ANKRD30A: variants seen among roughly 807,000 people sequenced by gnomAD.
The protein encoded by ANKRD30A is ankyrin repeat domain 30A.
A neutral mutation model predicts 166.3 loss-of-function variants in ANKRD30A; 170 were observed. That is an observed-to-expected ratio of 1.02 (90% confidence interval 0.90 to 1.16). The LOEUF (loss-of-function observed/expected upper bound fraction) is 1.16, where lower values mean the gene tolerates loss of function less well. Ranked by LOEUF, ANKRD30A falls within the 50% of genes most tolerant of loss-of-function variation. The pLI is 0.00. For synonymous variants in ANKRD30A, 564 were observed against 508.9 expected (o/e 1.11, Z -1.46); for missense variants, 1,630 against 1,518.0 (o/e 1.07, Z -1.23).
At chr10:37,149,542 C>T (rs530188143) in intron 9 of ANKRD30A, 109 bp from the exon 10 acceptor site, 652 of 1,330,434 alleles carry the variant, frequency 4.9e-4, no homozygotes, top group Non-Finnish European at 6.6e-4. Context: ...CTAAAGTATT[C>T]GTTCTCAAAG....
intron 25 of ANKRD30A, among the ~76,000 whole-genome samples, chr10:37,190,224 CTG>C (rs1564537086): frequency 1.3e-5 from 2 of 151,886 alleles, no homozygotes; most frequent in Admixed American, 6.6e-5. Flanking sequence ...ACAATTCACA[CTG>C]AGATTCAGCC....
In ANKRD30A at chr10:37,147,786, G is replaced by C. The variant is rs1837613660; in HGVS notation, c.1543+329G>C. 2.0e-5 allele frequency among the ~76,000 whole-genome samples: 3 copies of C among 152,106 alleles called. No homozygotes were observed. The South Asian group carries it at 6.2e-4, about 32-fold the overall frequency. The stretch of plus-strand genomic sequence containing the variant: ...CAGGGAGTTCATGAAGGAACAAGAA[G>C]CAGGTTTATATAATGGAGGTGGCAA... On this transcript the variant is annotated intron_variant, in intron 9 of 35. Transcript: ENST00000361713.
At chr10:37,151,615 C>T (rs1837944335) in intron 11 of ANKRD30A, among the ~76,000 whole-genome samples, 1 of 152,042 alleles carries the variant, frequency 6.6e-6, no homozygotes, top group East Asian at 1.9e-4. Context: ...CCTAAAAAAT[C>T]TTATTCATTG....
chr10:37,191,076 A>G lies in ANKRD30A; in HGVS notation c.2512+1519A>G, dbSNP rs71489125. ...TCGTAGGTATTTTACTGATTTTAACATAGAAAATGTTATTAATATTTAAAA... is the reference window on the plus strand; with the variant it reads ...TCGTAGGTATTTTACTGATTTTAACGTAGAAAATGTTATTAATATTTAAAA... On this transcript the variant is annotated intron_variant, in intron 25 of 35. Transcript: ENST00000361713. Among the ~76,000 whole-genome samples, 31 of 152,018 alleles carry G rather than the reference A, an allele frequency of 2.0e-4. No individual in the cohort carries two copies. In the East Asian group the frequency reaches 3.5e-3, roughly 17 times the overall value.
chr10:37,150,236 T>G (rs1417464315), intron 11 of ANKRD30A, among the ~76,000 whole-genome samples: 1 of 152,084 alleles, frequency 6.6e-6, no homozygotes, highest in Non-Finnish European at 1.5e-5. Flanking sequence ...CACTTGTGTT[T>G]TAATATTAAT....
chr10:37,221,881 C>T (rs1418687667), intron 34 of ANKRD30A, among the ~76,000 whole-genome samples: 1 of 151,198 alleles, frequency 6.6e-6, no homozygotes, highest in East Asian at 1.9e-4. Context: ...TGAGTGGATG[C>T]CAAGGACATT....
chr10:37,217,542 T>C (rs1842665173), intron 32 of ANKRD30A, among the ~76,000 whole-genome samples, 153 bp from the exon 33 acceptor site: 1 of 150,806 alleles, frequency 6.6e-6, no homozygotes, highest in Non-Finnish European at 1.5e-5. Context: ...TTGGAAGAGT[T>C]TGGAGTAATA....
intron 15 of ANKRD30A, among the ~76,000 whole-genome samples, chr10:37,160,767 T>C (rs2132590038): frequency 6.6e-6 from 1 of 152,252 alleles, no homozygotes; most frequent in East Asian, 1.9e-4. Flanking sequence ...AGTAGTTCAG[T>C]TTATGGTCTC....
intron 15 of ANKRD30A, 81 bp from the exon 16 acceptor site, chr10:37,162,568 T>C (rs1564511607): frequency 6.4e-7 from 1 of 1,568,100 alleles, no homozygotes; most frequent in Non-Finnish European, 8.8e-7. Context: ...GAGGAGTCAG[T>C]TAAATACTAT....
rs1840039386 is a variant in ANKRD30A, at chr10:37,179,520, A to G, written c.2421+3302A>G. 2.6e-5 allele frequency among the ~76,000 whole-genome samples: 4 copies of G among 150,946 alleles called. 1 individual carries two copies. The highest frequency in any genetic ancestry group is 2.6e-4 in the Admixed American group (4 of 15,158). ...GGGAATGAATACCCATATTCCAAGTATATGGGTATGAAAATCAAGGAATAT... is the reference window on the plus strand; with the variant it reads ...GGGAATGAATACCCATATTCCAAGTGTATGGGTATGAAAATCAAGGAATAT... On this transcript the variant is annotated intron_variant, in intron 24 of 35. Transcript: ENST00000361713.
rs1009924579 is a variant in ANKRD30A, at chr10:37,134,032, C to G, written c.734C>G (p.Ala245Gly). The G allele has an allele frequency of 3.1e-6, 5 of 1,613,930 alleles. No homozygotes were observed. In the African/African-American group the frequency reaches 4.0e-5, roughly 13 times the overall value. ...DICGVTAEHY[A>G]VTCGFHHIHE... ...TGTGGAGTAACTGCAGAACATTATG[C>G]TGTTACTTGTGGATTTCATCAGTAA... The change falls in exon 5 of 36, where the codon GCT becomes GGT. Residue 245 changes from alanine (A) to glycine (G), a missense_variant. By Grantham distance (60) the Ala-to-Gly change is moderately conservative. Coordinates refer to ENST00000361713, the MANE Select transcript of ANKRD30A (RefSeq NM_052997.3).
chr10:37,198,587 T>G (rs1460553538), intron 29 of ANKRD30A, among the ~76,000 whole-genome samples: 1 of 152,060 alleles, frequency 6.6e-6, no homozygotes, highest in Non-Finnish European at 1.5e-5. Context: ...CCCCAGAGCT[T>G]CTTAGAGATA....
At chr10:37,211,535 G>T (rs1588934192) in intron 31 of ANKRD30A, among the ~76,000 whole-genome samples, 3 of 152,214 alleles carry the variant, frequency 2.0e-5, no homozygotes, top group South Asian at 4.1e-4. Context: ...GTCTATCATT[G>T]TTGGACATTT....
chr10:37,211,079 T>C (rs1278695390), intron 31 of ANKRD30A, among the ~76,000 whole-genome samples: 1 of 152,114 alleles, frequency 6.6e-6, no homozygotes. Flanking sequence ...GGTTTTCTTC[T>C]AGGCTTTTTA....
At chr10:37,147,633 A>G (rs914465246) in intron 9 of ANKRD30A, among the ~76,000 whole-genome samples, 176 bp downstream of exon 9, 1 of 152,182 alleles carries the variant, frequency 6.6e-6, no homozygotes, top group Non-Finnish European at 1.5e-5. Context: ...GAATATGTAG[A>G]GAGTGCAAAA....
rs531601285 is a variant in ANKRD30A at position 37,126,713 on chromosome 10, A to G, written c.221+705A>G. Among the ~76,000 whole-genome samples, 28 of 152,266 alleles carry G rather than the reference A, an allele frequency of 1.8e-4. No homozygotes were observed. The South Asian group carries it at 5.8e-3, about 32-fold the overall frequency. On this transcript the variant is annotated intron_variant, in intron 1 of 35. Transcript: ENST00000361713. ...ATTTTAAATATTTTGTAATGGAGTA[A>G]AAAAGTCTTGCCCTTCTAGATATCA... is the stretch of plus-strand genomic sequence containing the variant.
chr10:37,126,043 G>A (rs1389474702), intron 1 of ANKRD30A, 35 bp downstream of exon 1: 3 of 1,596,812 alleles, frequency 1.9e-6, no homozygotes, highest in African/African-American at 1.3e-5. Context: ...GCTGCAGGAG[G>A]AGGTGGGGGC....
chr10:37,241,595 A>G, the ANKRD30A span, among the ~76,000 whole-genome samples: 1 of 152,094 alleles, frequency 6.6e-6, no homozygotes, highest in East Asian at 1.9e-4. Context: ...AGTGCTTTGT[A>G]TCCTGTAATT....
At chr10:37,126,486 G>T (rs755127526) in intron 1 of ANKRD30A, among the ~76,000 whole-genome samples, 3 of 152,146 alleles carry the variant, frequency 2.0e-5, no homozygotes, top group Non-Finnish European at 2.9e-5. Flanking sequence ...TGATATCAAT[G>T]AATGTCTATG....
Sources: allele counts gnomAD v4.1 joint callset (sites outside exome capture counted in the v4.1 genomes callset), GRCh38; gene constraint gnomAD v4.1.1; transcripts MANE v1.5; gene names NCBI Gene and HGNC (gene_info 2026-07-23, HGNC 2026-07-21).